The following PDE4D variants were observed in gnomAD, a reference collection of about 807,000 sequenced individuals.
The protein encoded by PDE4D is phosphodiesterase 4D, also known as 3',5'-cyclic-AMP phosphodiesterase 4D.
In PDE4D, 24 loss-of-function variants were observed where a neutral mutation model predicts 87.4. The ratio of observed to expected loss-of-function variants is 0.27; its 90% confidence interval spans 0.20 to 0.39. The LOEUF is 0.39. Among genes scored for constraint, PDE4D ranks in the 10% least tolerant of loss-of-function variants. The pLI is 1.00. For synonymous variants in PDE4D, 384 were observed against 383.2 expected (o/e 1.00, Z -0.02); for missense variants, 714 against 1,041.0 (o/e 0.69, Z 4.32).
chr5:59,742,206 G>T (rs1435266646), intron 1 of PDE4D, among the ~76,000 whole-genome samples: 1 of 152,080 alleles, frequency 6.6e-6, no homozygotes, highest in Non-Finnish European at 1.5e-5. Context: ...TGGGATTACA[G>T]GCATGCACTA....
chr5:60,062,896 C>A (rs1033142107), intron 2 of PDE4D, among the ~76,000 whole-genome samples: 4 of 151,860 alleles, frequency 2.6e-5, no homozygotes, highest in Non-Finnish European at 5.9e-5. Context: ...AGGGGAACAA[C>A]ACACACCAGG....
intron 1 of PDE4D, among the ~76,000 whole-genome samples, chr5:60,342,695 GAA>G (rs59843129): frequency 1.3e-5 from 2 of 149,102 alleles, no homozygotes; most frequent in Non-Finnish European, 3.0e-5. Context: ...GAAAACCAAT[GAA>G]AAAAAAAAGA....
Position 60,257,222 on chromosome 5 carries a change from G to GAGAAAGAAAGAAAGAAAGAA in PDE4D, c.-89-71555_-89-71536dup, listed in dbSNP as rs142753730. Among the ~76,000 whole-genome samples the GAGAAAGAAAGAAAGAAAGAA allele has an allele frequency of 9.4e-4, 135 of 143,236 alleles. 1 individual carries two copies. The highest frequency in any genetic ancestry group is 3.3e-3 in the African/African-American group (124 of 37,700). 94.0% of individuals were successfully genotyped at this position (143,236 alleles called of 152,430 possible). On this transcript the variant is annotated intron_variant, in intron 1 of 16. Coordinates refer to the PDE4D transcript ENST00000502484. ...AGAAAGAATGAATGAAAGAAAGAAAGAGAAAGAAAGAAAGAAAGAAAGAAA... is the reference window on the plus strand; with the variant it reads ...AGAAAGAATGAATGAAAGAAAGAAAGAGAAAGAAAGAAAGAAAGAAAGAAAGAAAGAAAGAAAGAAAGAAA...
intron 3 of PDE4D, among the ~76,000 whole-genome samples, chr5:59,909,143 T>C (rs909313666): frequency 1.3e-5 from 2 of 152,212 alleles, no homozygotes; most frequent in African/African-American, 4.8e-5. Context: ...AATTCTTCCT[T>C]CACTATATCT....
chr5:59,029,980 C>T (rs1308732410), intron 6 of PDE4D, among the ~76,000 whole-genome samples: 1 of 152,038 alleles, frequency 6.6e-6, no homozygotes, highest in African/African-American at 2.4e-5. Context: ...TGGATGTCCA[C>T]CTGCAGAAGA....
intron 1 of PDE4D, among the ~76,000 whole-genome samples, chr5:60,382,719 A>C (rs1331538763): frequency 1.3e-5 from 2 of 152,150 alleles, no homozygotes; most frequent in Non-Finnish European, 2.9e-5. Flanking sequence ...ATCTGCCTTC[A>C]CTTTTCGTTT....
At chr5:59,975,231 C>T (rs1761191494) in intron 3 of PDE4D, among the ~76,000 whole-genome samples, 1 of 152,168 alleles carries the variant, frequency 6.6e-6, no homozygotes, top group Non-Finnish European at 1.5e-5. Flanking sequence ...TCCTGGGTGA[C>T]TTTGATGTTG....
intron 5 of PDE4D, chr5:59,039,492 G>T (rs1759231833): frequency 1.0e-6 from 1 of 985,486 alleles, no homozygotes; most frequent in South Asian, 4.7e-5. Context: ...AATCAGCCGC[G>T]GCCGGGTGCG....
intron 1 of PDE4D, among the ~76,000 whole-genome samples, chr5:60,501,973 G>C (rs1420793886): frequency 1.3e-5 from 2 of 152,124 alleles, no homozygotes; most frequent in Non-Finnish European, 2.9e-5. Flanking sequence ...TCTGATGGTA[G>C]TTTCTTTTGC....
Position 59,676,098 on chromosome 5 carries a change from T to TACAC in PDE4D, c.455+217066_455+217069dup, listed in dbSNP as rs145556614. On this transcript the variant is annotated intron_variant, in intron 1 of 14. Coordinates refer to ENST00000340635, the MANE Select transcript of PDE4D (RefSeq NM_001104631.2). ...GGATCAAGATATATGTATATGTATA[T>TACAC]ACACACACACACACACACACATTTA... 4.1e-3 allele frequency among the ~76,000 whole-genome samples: 611 copies of TACAC among 149,926 alleles called. 5 individuals carry two copies. The highest frequency in any genetic ancestry group is 9.6e-3 in the African/African-American group (389 of 40,368).
At chr5:59,626,942 GCTCTATAATC>G (rs1830970153) in intron 1 of PDE4D, among the ~76,000 whole-genome samples, 1 of 151,954 alleles carries the variant, frequency 6.6e-6, no homozygotes, top group South Asian at 2.1e-4. Flanking sequence ...GCCTTTGTTG[GCTCTATAATC>G]CTCCAATTAT....
At chr5:59,021,921 C>T (rs1755232323) in intron 6 of PDE4D, among the ~76,000 whole-genome samples, 1 of 152,138 alleles carries the variant, frequency 6.6e-6, no homozygotes, top group Non-Finnish European at 1.5e-5. Flanking sequence ...TGTCTCAGAG[C>T]CCATCAACCA....
chr5:59,961,600 C>T (rs948176712), intron 3 of PDE4D, among the ~76,000 whole-genome samples: 1 of 151,966 alleles, frequency 6.6e-6, no homozygotes, highest in Non-Finnish European at 1.5e-5. Flanking sequence ...CTTTACAAAG[C>T]TTAAATTCTA....
intron 1 of PDE4D, among the ~76,000 whole-genome samples, chr5:59,364,674 AATATTCTATAAG>A (rs1246913277): frequency 6.6e-6 from 1 of 152,204 alleles, no homozygotes; most frequent in East Asian, 1.9e-4. Context: ...TATTTTTCTA[AATATTCTATAAG>A]TGACCCTAAC....
chr5:59,516,548 G>GA (rs955307601), intron 1 of PDE4D, among the ~76,000 whole-genome samples: 2 of 151,944 alleles, frequency 1.3e-5, no homozygotes, highest in Admixed American at 6.6e-5. Context: ...TTTTTTCATA[G>GA]AAAAAAACTG....
intron 5 of PDE4D, 187 bp from the exon 6 acceptor site, chr5:59,039,158 G>A (rs1759136392): frequency 1.5e-6 from 2 of 1,355,496 alleles, no homozygotes; most frequent in Non-Finnish European, 9.5e-7. Flanking sequence ...TCGCGGGGCG[G>A]CCGGCCTCGG....
At chr5:59,252,628 C>T (rs1760182041) in intron 1 of PDE4D, among the ~76,000 whole-genome samples, 1 of 152,002 alleles carries the variant, frequency 6.6e-6, no homozygotes, top group Non-Finnish European at 1.5e-5. Context: ...CTCAAGCAAT[C>T]CTCCCACCTC....
rs1218819721 is a variant in PDE4D, at chr5:58,981,494, AATGAAGATAAGTTAAT to A, written c.1553-4165_1553-4150del. The stretch of plus-strand genomic sequence containing the variant: ...TTATATAAGGGAATAAGAAAAAGAA[AATGAAGATAAGTTAAT>A]ACCTCTTATGTTATATAAGGGAATA... On this transcript the variant is annotated intron_variant, in intron 11 of 14. Transcript: ENST00000340635. Among the ~76,000 whole-genome samples, 4 of 116,446 alleles carry A rather than the reference AATGAAGATAAGTTAAT, an allele frequency of 3.4e-5. 1 individual carries two copies. In the East Asian group the frequency reaches 1.0e-3, roughly 30 times the overall value. 76.4% of individuals were successfully genotyped at this position (116,446 alleles called of 152,430 possible).
rs76063920 is a variant in PDE4D at position 59,416,697 on chromosome 5, T to C, written c.456-200729A>G. Among the ~76,000 whole-genome samples, 1,008 of 152,314 alleles carry C rather than the reference T, an allele frequency of 6.6e-3. 7 individuals are homozygous for C. The highest frequency in any genetic ancestry group is 0.024 in the African/African-American group (978 of 41,558). ...AAAGTTAGATCATCCAGATGTTTTATGTTAATCAGAGTAAACATATGATTC... is the reference window on the plus strand; with the variant it reads ...AAAGTTAGATCATCCAGATGTTTTACGTTAATCAGAGTAAACATATGATTC... On this transcript the variant is annotated intron_variant, in intron 1 of 14. Coordinates refer to ENST00000340635, the MANE Select transcript of PDE4D (RefSeq NM_001104631.2).
Sources: gnomAD v4.1 joint callset for allele counts (sites outside exome capture counted in the v4.1 genomes callset) on GRCh38, gnomAD v4.1.1 for gene constraint, MANE v1.5 for transcripts, NCBI Gene and HGNC (gene_info 2026-07-23, HGNC 2026-07-21) for gene names.